The following SESN3 variants were observed in gnomAD, a reference collection of about 807,000 sequenced individuals.
SESN3 encodes sestrin 3.
Under a neutral mutation model 55.3 loss-of-function variants are expected in SESN3, and 21 were observed. The ratio of observed to expected loss-of-function variants is 0.38; its 90% CI spans 0.27 to 0.55. The LOEUF is 0.55. Among genes scored for constraint, SESN3 ranks in the 20% least tolerant of loss-of-function variants. The pLI, the probability that SESN3 is intolerant of heterozygous loss-of-function variation, is 0.76. For synonymous variants in SESN3, 181 were observed against 203.1 expected (o/e 0.89, Z 0.93); for missense variants, 408 against 604.3 (o/e 0.68, Z 3.41).
Position 95,185,429 on chromosome 11 carries a change from G to C in SESN3, c.589C>G (p.Leu197Val). 7 of 1,613,226 alleles carry C rather than the reference G, an allele frequency of 4.3e-6. No homozygotes were observed. The highest frequency in any genetic ancestry group is 5.9e-6 in the Non-Finnish European group (7 of 1,179,436). ...LPELVHAVVLLAHYHALASFV... is the reference protein window; with the variant it reads ...LPELVHAVVLVAHYHALASFV... ...CTTGCCAAAGCATGATAATGTGCCAGGAGGACCACAGCATGTACCAGTTCA... is the reference window on the plus strand; with the variant it reads ...CTTGCCAAAGCATGATAATGTGCCACGAGGACCACAGCATGTACCAGTTCA... The change falls in exon 5 of 10, where the codon CTG (leucine) becomes GTG (valine). Residue 197 changes from leucine to valine, a missense_variant. By Grantham distance (32) the Leu-to-Val change is conservative (BLOSUM62 1). Coordinates refer to ENST00000536441, the MANE Select transcript of SESN3 (RefSeq NM_144665.4).
At chr11:95,175,408 A>G in intron 9 of SESN3, 90 bp downstream of exon 9, 1 of 1,141,668 alleles carries the variant, frequency 8.8e-7, no homozygotes, top group South Asian at 1.7e-5. Flanking sequence ...GCTATAATTT[A>G]TTAATACTTT....
chr11:95,178,091 T>C (rs1859991855), intron 7 of SESN3, among the ~76,000 whole-genome samples, 182 bp from the exon 8 acceptor site: 1 of 152,170 alleles, frequency 6.6e-6, no homozygotes, highest in Admixed American at 6.5e-5. Context: ...AGTGTCTGGA[T>C]GTTTCTTCAT....
upstream of SESN3, chr11:95,232,123 A>G (rs1279362928): frequency 6.6e-6 from 1 of 152,280 alleles, no homozygotes; most frequent in African/African-American, 2.4e-5. Flanking sequence ...TTCAGAGAAC[A>G]AATTGTCGTT....
intron 1 of SESN3, among the ~76,000 whole-genome samples, chr11:95,226,196 TG>T: frequency 6.6e-6 from 1 of 152,146 alleles, no homozygotes; most frequent in Non-Finnish European, 1.5e-5. Flanking sequence ...TCTGGGAAAA[TG>T]GAAAAATATA....
intron 1 of SESN3, among the ~76,000 whole-genome samples, chr11:95,215,479 A>G (rs1197221543): frequency 6.6e-6 from 1 of 152,174 alleles, no homozygotes; most frequent in Non-Finnish European, 1.5e-5. Flanking sequence ...ACAGTCAATC[A>G]TAGCAATTTG....
rs1591086094 is a variant in SESN3, at chr11:95,230,692, C to T, written c.78+91G>A. On this transcript the variant is annotated intron_variant, in intron 1 of 9. Transcript: ENST00000536441. This position sits in a 1 kb window ranked among gnomAD's most constrained non-coding sequence, Gnocchi z 4.6. ...GACGGTGCCCGGGGATCCCTCTCAG[C>T]CTCCCCCAGTGCGCGCCCGGGGACG... The T allele has an allele frequency of 2.2e-6, 2 of 901,762 alleles. No individual in the cohort carries two copies. Among genetic ancestry groups the T allele is most frequent in the Middle Eastern group, 2.8e-4 (1 of 3,560 alleles). The allele number at this position is 901,762 out of a possible 1,614,324, so 55.9% of individuals were successfully genotyped here. A position where few individuals can be genotyped will look rare whatever the true frequency, so the allele number is the denominator to read the frequency against.
At chr11:95,228,519 T>TA (rs1405700373) in intron 1 of SESN3, among the ~76,000 whole-genome samples, 10 of 152,184 alleles carry the variant, frequency 6.6e-5, no homozygotes, top group African/African-American at 2.4e-4. Context: ...ACTTTTAACT[T>TA]AGAGTTATAT....
intron 1 of SESN3, among the ~76,000 whole-genome samples, chr11:95,212,017 C>T (rs1203257498): frequency 6.6e-6 from 1 of 151,922 alleles, no homozygotes; most frequent in Non-Finnish European, 1.5e-5. Context: ...TAAAAAACAC[C>T]CATTTATAAA....
intron 1 of SESN3, among the ~76,000 whole-genome samples, chr11:95,202,727 G>A (rs1039771344): frequency 6.6e-6 from 1 of 152,034 alleles, no homozygotes; most frequent in Admixed American, 6.6e-5. Flanking sequence ...GATAATGCAA[G>A]TCCATAATAA....
In SESN3 at chr11:95,172,048, C is replaced by A. The variant is rs1321816698; in HGVS notation, c.*1207G>T. On this transcript the variant is annotated 3_prime_UTR_variant, in exon 10 of 10. Coordinates refer to ENST00000536441, the MANE Select transcript of SESN3 (RefSeq NM_144665.4). ...CCAGAAAGGTAAAACTGAAAAAAGC[C>A]TGTGCAATAAAGAAATTTGAAAAAA... The A allele has an allele frequency of 6.6e-6, 1 of 152,038 alleles. No individual in the cohort carries two copies. The highest frequency in any genetic ancestry group is 2.4e-5 in the African/African-American group (1 of 41,402). The allele number at this position is 152,038 out of a possible 1,614,324, so 9.4% of individuals were successfully genotyped here.
chr11:95,189,852 C>A lies in SESN3; in HGVS notation c.452G>T (p.Arg151Ile). 1 of 1,611,704 alleles carries A rather than the reference C, an allele frequency of 6.2e-7. No homozygotes were observed. The highest frequency in any genetic ancestry group is 8.5e-7 in the Non-Finnish European group (1 of 1,178,606). ...WLNGLEYVPQ[R>I]LKNLNEINKL... Reference sequence around the variant, plus strand: ...ATTAATTTCATTAAGATTTTTCAGTCTTTGTGGCACATATTCCAAACCATT... The same window carrying A: ...ATTAATTTCATTAAGATTTTTCAGTATTTGTGGCACATATTCCAAACCATT... Residue 151 changes from arginine to isoleucine, a missense_variant, in exon 4 of 10, where the codon AGA becomes ATA. Physicochemically the swap from Arg to Ile is moderately conservative, Grantham distance 97. Coordinates refer to ENST00000536441, the MANE Select transcript of SESN3 (RefSeq NM_144665.4).
chr11:95,220,897 GTTAA>G (rs1441706896), intron 1 of SESN3, among the ~76,000 whole-genome samples: 4 of 152,184 alleles, frequency 2.6e-5, no homozygotes, highest in Non-Finnish European at 1.5e-5. Context: ...TTCATCGCAG[GTTAA>G]TTGTGATGCT....
At chr11:95,224,201 C>A (rs966663655) in intron 1 of SESN3, among the ~76,000 whole-genome samples, 4 of 152,072 alleles carry the variant, frequency 2.6e-5, no homozygotes, top group African/African-American at 9.7e-5. Flanking sequence ...TTCTTTGATA[C>A]CACACTAAAA....
At chr11:95,231,991 G>T (rs1291251316), upstream of SESN3, 1 of 152,206 alleles carries the variant, frequency 6.6e-6, no homozygotes, top group Non-Finnish European at 1.5e-5. Context: ...TCTTAGAGAT[G>T]TAAGTTCATT....
intron 1 of SESN3, among the ~76,000 whole-genome samples, chr11:95,199,201 C>A (rs1007400632): frequency 6.6e-6 from 1 of 151,992 alleles, no homozygotes; most frequent in Non-Finnish European, 1.5e-5. Flanking sequence ...AGCTATTTTT[C>A]ATGAAATCCT....
intron 1 of SESN3, among the ~76,000 whole-genome samples, chr11:95,200,643 G>A (rs1860444565): frequency 6.6e-6 from 1 of 151,918 alleles, no homozygotes; most frequent in South Asian, 2.1e-4. Context: ...TCATAATGGG[G>A]AATCTCATCT....
chr11:95,230,911 G>C lies in SESN3; in HGVS notation c.-51C>G. 1 of 1,332,202 alleles carries C rather than the reference G, an allele frequency of 7.5e-7. No individual in the cohort carries two copies. Among genetic ancestry groups the C allele is most frequent in the Non-Finnish European group, 1.0e-6 (1 of 999,110 alleles). The allele number at this position is 1,332,202 out of a possible 1,614,324, so 82.5% of individuals were successfully genotyped here. ...GCGGGCGGAGGGCCGGGTCCGGGCT[G>C]TCACTGCGGCCACTGCAGGGCCGGT... On this transcript the variant is annotated 5_prime_UTR_variant, in exon 1 of 10. Coordinates refer to ENST00000536441, the MANE Select transcript of SESN3 (RefSeq NM_144665.4). The surrounding 1 kb of genome is among the most constrained non-coding windows in gnomAD (Gnocchi z 4.6).
upstream of SESN3, chr11:95,231,290 C>T: frequency 5.1e-6 from 2 of 391,908 alleles, no homozygotes; most frequent in Non-Finnish European, 9.0e-6. Context: ...GGCTACGCCC[C>T]CAGGGCGCTA....
At chr11:95,212,048 T>C (rs1272138573) in intron 1 of SESN3, among the ~76,000 whole-genome samples, 3 of 152,210 alleles carry the variant, frequency 2.0e-5, no homozygotes, top group African/African-American at 2.4e-5. Context: ...ATAGATACTC[T>C]ATAATGTTAT....
Sources: gnomAD v4.1 joint callset for allele counts (sites outside exome capture counted in the v4.1 genomes callset) on GRCh38, gnomAD v4.1.1 for gene constraint, Gnocchi (gnomAD v3.1) non-coding constraint, MANE v1.5 for transcripts, NCBI Gene and HGNC (gene_info 2026-07-23, HGNC 2026-07-21) for gene names.